NDUFV3: variants seen among roughly 807,000 people sequenced by gnomAD.
NDUFV3 encodes the protein NADH dehydrogenase [ubiquinone] flavoprotein 3, mitochondrial.
In NDUFV3, 44 loss-of-function variants were observed where a neutral mutation model predicts 37.5. That is an observed-to-expected ratio of 1.17 (90% CI 0.92 to 1.51). The LOEUF is 1.51. Among genes scored for constraint, NDUFV3 ranks in the 40% most tolerant of loss-of-function variants. NDUFV3 has a pLI of 0.00. For synonymous variants in NDUFV3, 235 were observed against 239.3 expected (o/e 0.98, Z 0.17); for missense variants, 580 against 580.4 (o/e 1.00, Z 0.01).
intron 1 of NDUFV3, 33 bp from the exon 2 acceptor site, chr21:42,896,894 C>T: frequency 6.2e-7 from 1 of 1,600,906 alleles, no homozygotes; most frequent in South Asian, 1.1e-5. Context: ...TGGCATTACT[C>T]TAAACATCCA....
intron 2 of NDUFV3, among the ~76,000 whole-genome samples, chr21:42,897,960 G>A (rs1250839182): frequency 2.0e-5 from 3 of 152,238 alleles, no homozygotes; most frequent in East Asian, 1.9e-4. Flanking sequence ...ACAGGCGTGA[G>A]CCACCGTGCC....
At chr21:42,894,459 T>TTAA in intron 1 of NDUFV3, among the ~76,000 whole-genome samples, 1 of 41,496 alleles carries the variant, frequency 2.4e-5, no homozygotes, top group South Asian at 4.8e-4. Context: ...ATAATATGTT[T>TTAA]ATATAAATAT....
At chr21:42,901,746 A>C (rs544986168) in intron 2 of NDUFV3, among the ~76,000 whole-genome samples, 8 of 152,174 alleles carry the variant, frequency 5.3e-5, no homozygotes, top group Non-Finnish European at 1.2e-4. Context: ...CCCATGTCAT[A>C]GACAAGGAAG....
intron 2 of NDUFV3, 36 bp from the exon 3 acceptor site, chr21:42,903,146 T>A (rs760658553): frequency 6.2e-7 from 1 of 1,613,678 alleles, no homozygotes; most frequent in Non-Finnish European, 8.5e-7. Context: ...TTAAGTTGTT[T>A]TGTTAAATAA....
intron 2 of NDUFV3, among the ~76,000 whole-genome samples, chr21:42,897,912 G>A (rs980051678): frequency 2.6e-5 from 4 of 152,092 alleles, no homozygotes; most frequent in African/African-American, 9.7e-5. Flanking sequence ...TCCTGACCTT[G>A]TGATCCGCCC....
Position 42,904,271 on chromosome 21 carries a change from C to T in NDUFV3, c.1259C>T (p.Thr420Ile), listed in dbSNP as rs1440338591. 4 of 1,594,540 alleles carry T rather than the reference C, an allele frequency of 2.5e-6. No homozygotes were observed. The South Asian group carries it at 3.4e-5, about 13-fold the overall frequency. ...AAAPGDDRGG[T>I]QEPAPVPAEP... is the part of the protein sequence containing the mutation. ...GCGCCAGGGGACGACCGAGGCGGCA[C>T]ACAGGGTATACCTTGACTCGCGCTC... Residue 420 changes from threonine (T) to isoleucine (I), a missense_variant, in exon 3 of 4, where the codon ACA (threonine) becomes ATA (isoleucine). Physicochemically the swap from Thr to Ile is moderately conservative, Grantham distance 89. Transcript: ENST00000354250.
Position 42,903,754 on chromosome 21 carries a change from A to G in NDUFV3, c.742A>G (p.Thr248Ala). The G allele has an allele frequency of 6.2e-7, 1 of 1,614,222 alleles. No homozygotes were observed. Among genetic ancestry groups the G allele is most frequent in the Non-Finnish European group, 8.5e-7 (1 of 1,180,044 alleles). ...CAGGGAAAATGCGAGACCAAAAACC[A>G]CAATGCCCAGATCTCAAGTAGATGA... The part of the protein sequence containing the change: ...EGRENARPKT[T>A]MPRSQVDEEF... Residue 248 changes from threonine to alanine, a missense_variant, in exon 3 of 4, where the codon ACA becomes GCA. Thr to Ala is a moderately conservative substitution (Grantham distance 58). Coordinates refer to ENST00000354250, the MANE Select transcript of NDUFV3 (RefSeq NM_021075.4).
chr21:42,905,608 T>C (rs960485050), intron 3 of NDUFV3, among the ~76,000 whole-genome samples: 2 of 151,782 alleles, frequency 1.3e-5, no homozygotes, highest in African/African-American at 4.8e-5. Context: ...CTCCGCCTCC[T>C]GGGTTCAAGT....
At chr21:42,908,494 G>A (rs1395430843) in intron 3 of NDUFV3, among the ~76,000 whole-genome samples, 1 of 152,172 alleles carries the variant, frequency 6.6e-6, no homozygotes, top group Non-Finnish European at 1.5e-5. Context: ...GTAAGCACCT[G>A]TGTGTGAGCC....
chr21:42,903,497 C>T lies in NDUFV3; in HGVS notation c.485C>T (p.Ser162Phe). 1 of 1,614,134 alleles carries T rather than the reference C, an allele frequency of 6.2e-7. No individual in the cohort carries two copies. ...SSSSSSSSSD[S>F]ESDDEADVSE... ...TCATCCTCTTCCAGCTCCTCTGATTCTGAATCTGATGATGAGGCTGACGTT... is the reference window on the plus strand; with the variant it reads ...TCATCCTCTTCCAGCTCCTCTGATTTTGAATCTGATGATGAGGCTGACGTT... Residue 162 changes from serine (S) to phenylalanine (F), a missense_variant, in exon 3 of 4, where the codon TCT (serine) becomes TTT (phenylalanine). Ser to Phe is a radical substitution (Grantham distance 155). Coordinates refer to ENST00000354250, the MANE Select transcript of NDUFV3 (RefSeq NM_021075.4).
In NDUFV3 at chr21:42,909,132, T is replaced by G; in HGVS notation, c.*111T>G. The G allele has an allele frequency of 9.1e-7, 1 of 1,094,514 alleles. No individual in the cohort carries two copies. The highest frequency in any genetic ancestry group is 1.3e-6 in the Non-Finnish European group (1 of 766,614). The allele number at this position is 1,094,514 out of a possible 1,614,324, so 67.8% of individuals were successfully genotyped here. A position where few individuals can be genotyped will look rare whatever the true frequency, so the allele number is the denominator to read the frequency against. ...CCGCTGTGCATAATCGGTTTCACTT[T>G]TACCTTTTTTTTTTTTTTTTTTTTT... On this transcript the variant is annotated 3_prime_UTR_variant, in exon 4 of 4. Transcript: ENST00000354250.
In NDUFV3 at chr21:42,897,880, G is replaced by T. The variant is rs11700396; in HGVS notation, c.169+833G>T. ...TTTAGTAGAGGTGGGGTTTCACCATGTTAGCCGGGATGGTCTTGATCTCCT... is the reference window on the plus strand; with the variant it reads ...TTTAGTAGAGGTGGGGTTTCACCATTTTAGCCGGGATGGTCTTGATCTCCT... On this transcript the variant is annotated intron_variant, in intron 2 of 3. Coordinates refer to ENST00000354250, the MANE Select transcript of NDUFV3 (RefSeq NM_021075.4). Among the ~76,000 whole-genome samples, 1,138 of 151,746 alleles carry T rather than the reference G, an allele frequency of 7.5e-3. 21 individuals are homozygous for T. Among genetic ancestry groups the T allele is most frequent in the Non-Finnish European group, 7.2e-3 (489 of 67,946 alleles).
chr21:42,911,139 A>C lies in NDUFV3; in HGVS notation c.*2118A>C, dbSNP rs1601229098. On this transcript the variant is annotated 3_prime_UTR_variant, in exon 4 of 4. Coordinates refer to ENST00000354250, the MANE Select transcript of NDUFV3 (RefSeq NM_021075.4). ...GTGCCTGTAATCCCAGCTATTCAAG[A>C]GGCTGAGGCAGGAGAATCGCTTGAA... The C allele has an allele frequency of 6.6e-6, 1 of 152,210 alleles. No homozygotes were observed. The highest frequency in any genetic ancestry group is 1.9e-4 in the East Asian group (1 of 5,200). 9.4% of individuals were successfully genotyped at this position (152,210 alleles called of 1,614,324 possible).
Position 42,904,152 on chromosome 21 carries a change from G to A in NDUFV3, c.1140G>A (p.Leu380=). 1 of 1,614,266 alleles carries A rather than the reference G, an allele frequency of 6.2e-7. No individual in the cohort carries two copies. The highest frequency in any genetic ancestry group is 1.1e-5 in the South Asian group (1 of 91,088). The change falls in exon 3 of 4, where the codon TTG becomes TTA. Residue 380 remains leucine (L), a synonymous_variant. Coordinates refer to ENST00000354250, the MANE Select transcript of NDUFV3 (RefSeq NM_021075.4). The part of the protein sequence containing the change: ...IVEDQIPPSN[L]ETVPVENNHG... ...AAGATCAGATACCACCAAGCAATTTGGAGACAGTTCCTGTTGAGAATAACC... is the reference window on the plus strand; with the variant it reads ...AAGATCAGATACCACCAAGCAATTTAGAGACAGTTCCTGTTGAGAATAACC...
At chr21:42,905,939 C>T (rs1490736405) in intron 3 of NDUFV3, among the ~76,000 whole-genome samples, 1 of 151,156 alleles carries the variant, frequency 6.6e-6, no homozygotes, top group Non-Finnish European at 1.5e-5. Context: ...TCTTGGCTCA[C>T]TGCCGGCTCC....
Position 42,903,223 on chromosome 21 carries a change from C to G in NDUFV3, c.211C>G (p.Gln71Glu), listed in dbSNP as rs1227613273. Reference protein sequence around the residue: ...PKERGKLLATQTAAELSKNLS... With the variant: ...PKERGKLLATETAAELSKNLS... ...GGAGAGGGGCAAGCTCCTAGCCACC[C>G]AGACAGCAGCTGAATTGTCTAAAAA... Residue 71 changes from glutamine to glutamate, a missense_variant, in exon 3 of 4, where the codon CAG becomes GAG. Coordinates refer to ENST00000354250, the MANE Select transcript of NDUFV3 (RefSeq NM_021075.4). 3.1e-6 allele frequency: 5 copies of G among 1,614,082 alleles called. No individual in the cohort carries two copies. In the African/African-American group the frequency reaches 5.3e-5, roughly 17 times the overall value.
chr21:42,908,123 A>G (rs1221974053), intron 3 of NDUFV3, among the ~76,000 whole-genome samples: 2 of 151,998 alleles, frequency 1.3e-5, no homozygotes, highest in African/African-American at 2.4e-5. Flanking sequence ...CCTGGCCAAC[A>G]TGGTGAAACC....
At chr21:42,908,720 A>G (rs4148976) in intron 3 of NDUFV3, 144 bp from the exon 4 acceptor site, 473,447 of 826,796 alleles carry the variant, frequency 0.57, 139,969 homozygotes, top group African/African-American at 0.83. Flanking sequence ...AAGCGCCTGT[A>G]TGTGAGCCAA....
At chr21:42,908,713 C>G (rs988377313) in intron 3 of NDUFV3, 151 bp from the exon 4 acceptor site, 1 of 733,766 alleles carries the variant, frequency 1.4e-6, no homozygotes, top group Non-Finnish European at 2.3e-6. Context: ...GGTAGGTAAG[C>G]GCCTGTATGT....
Sources: gnomAD v4.1 joint callset for allele counts (sites outside exome capture counted in the v4.1 genomes callset) on GRCh38, gnomAD v4.1.1 for gene constraint, MANE v1.5 for transcripts, NCBI Gene and HGNC (gene_info 2026-07-23, HGNC 2026-07-21) for gene names.